The following KCNIP4 variants were observed in gnomAD, a reference collection of about 807,000 sequenced individuals.
KCNIP4 encodes the protein Kv channel-interacting protein 4.
A neutral mutation model predicts 34.0 loss-of-function variants in KCNIP4; 12 were observed. The observed-to-expected ratio is 0.35, with a 90% confidence interval of 0.23 to 0.57. The LOEUF (loss-of-function observed/expected upper bound fraction) is 0.57, where lower values mean the gene tolerates loss of function less well. Among genes scored for constraint, KCNIP4 ranks in the 20% least tolerant of loss-of-function variants. The pLI is 0.83. For synonymous variants in KCNIP4, 124 were observed against 102.2 expected (o/e 1.21, Z -1.29); for missense variants, 238 against 311.7 (o/e 0.76, Z 1.78).
intron 1 of KCNIP4, among the ~76,000 whole-genome samples, chr4:21,104,354 A>G (rs1165507936): frequency 6.6e-6 from 1 of 152,078 alleles, no homozygotes; most frequent in Admixed American, 6.6e-5. Flanking sequence ...GTGATGATGA[A>G]CATTTTTTCA....
At chr4:21,131,049 C>G (rs960004370) in intron 1 of KCNIP4, among the ~76,000 whole-genome samples, 3 of 152,050 alleles carry the variant, frequency 2.0e-5, no homozygotes, top group African/African-American at 4.8e-5. Flanking sequence ...TAAATTGAAC[C>G]ATTTTAGGTC....
At chr4:21,400,524 T>TCTTCTCTTCTCTTCC (rs1270639038) in intron 1 of KCNIP4, among the ~76,000 whole-genome samples, 7 of 37,708 alleles carry the variant, frequency 1.9e-4, no homozygotes, top group African/African-American at 7.9e-4. Context: ...TCTTCTCTTC[T>TCTTCTCTTCTCTTCC]CTTCTCTTCT....
intron 1 of KCNIP4, among the ~76,000 whole-genome samples, chr4:21,118,051 T>C (rs1749836385): frequency 1.3e-5 from 2 of 152,174 alleles, no homozygotes; most frequent in African/African-American, 2.4e-5. Context: ...AGGATAGGCA[T>C]GTGGAACAAG....
intron 1 of KCNIP4, among the ~76,000 whole-genome samples, chr4:21,238,501 C>T (rs1759547016): frequency 6.6e-6 from 1 of 152,194 alleles, no homozygotes; most frequent in Non-Finnish European, 1.5e-5. Context: ...AGCTCAAAAT[C>T]TCCTTAAGCT....
At chr4:20,901,237 A>T (rs1269781150) in intron 1 of KCNIP4, among the ~76,000 whole-genome samples, 1 of 152,222 alleles carries the variant, frequency 6.6e-6, no homozygotes, top group African/African-American at 2.4e-5. Context: ...GAAAATGTTA[A>T]AGCTCAATCG....
In KCNIP4 at chr4:21,235,831, C is replaced by G. The variant is rs114465206; in HGVS notation, c.62-353122G>C. On this transcript the variant is annotated intron_variant, in intron 1 of 8. Transcript: ENST00000382152. ...GAAAGTGCTTACATGTGAGGCATAT[C>G]CATTATCCTGGGGCCTCAGAGAGGA... is the stretch of plus-strand genomic sequence containing the variant. Among the ~76,000 whole-genome samples the G allele has an allele frequency of 3.4e-3, 513 of 152,216 alleles. 1 individual carries two copies. Among genetic ancestry groups the G allele is most frequent in the Middle Eastern group, 0.014 (4 of 294 alleles).
rs548286033 is a variant in KCNIP4 at position 21,795,805 on chromosome 4, C to T, written c.61+152766G>A. Among the ~76,000 whole-genome samples, 178 of 152,258 alleles carry T rather than the reference C, an allele frequency of 1.2e-3. 2 individuals carry two copies. Among genetic ancestry groups the T allele is most frequent in the Non-Finnish European group, 2.1e-3 (144 of 68,020 alleles). ...TAAATTTCCCGGGTGTGGTGGCTCA[C>T]GCCTGTAATCCCAGCACTTTGGGAG... is the stretch of plus-strand genomic sequence containing the variant. On this transcript the variant is annotated intron_variant, in intron 1 of 8. Transcript: ENST00000382152.
At chr4:21,883,555 A>T (rs1452139954) in intron 1 of KCNIP4, among the ~76,000 whole-genome samples, 1 of 152,158 alleles carries the variant, frequency 6.6e-6, no homozygotes, top group Non-Finnish European at 1.5e-5. Context: ...GTGATGAACC[A>T]TTGCTCCTGT....
rs561240621 is a variant in KCNIP4 at position 21,174,057 on chromosome 4, C to G, written c.62-291348G>C. The stretch of plus-strand genomic sequence containing the variant: ...TTTTAAGTGCTCACGTGATCTGTCC[C>G]AGAAAATGTCAAATTGTTCCCTTAT... On this transcript the variant is annotated intron_variant, in intron 1 of 8. Transcript: ENST00000382152. Among the ~76,000 whole-genome samples the G allele has an allele frequency of 2.3e-4, 35 of 152,258 alleles. No homozygotes were observed. The South Asian group carries it at 7.1e-3, about 31-fold the overall frequency.
intron 1 of KCNIP4, among the ~76,000 whole-genome samples, chr4:20,887,454 C>G (rs1725434174): frequency 6.6e-6 from 1 of 150,780 alleles, no homozygotes; most frequent in Non-Finnish European, 1.5e-5. Flanking sequence ...TAGCTGTAGG[C>G]AAAATGCTGA....
intron 1 of KCNIP4, among the ~76,000 whole-genome samples, chr4:21,324,652 C>T (rs974952766): frequency 4.6e-5 from 7 of 151,150 alleles, no homozygotes; most frequent in Admixed American, 4.6e-4. Flanking sequence ...ATTACTATAG[C>T]TCTGAAACAT....
At chr4:21,308,534 G>T (rs1712745797) in intron 1 of KCNIP4, among the ~76,000 whole-genome samples, 1 of 152,126 alleles carries the variant, frequency 6.6e-6, no homozygotes, top group Non-Finnish European at 1.5e-5. Flanking sequence ...GCTTGCTGAT[G>T]GTCATAACAT....
At chr4:21,932,998 A>G (rs1481450160) in intron 1 of KCNIP4, among the ~76,000 whole-genome samples, 1 of 151,442 alleles carries the variant, frequency 6.6e-6, no homozygotes, top group African/African-American at 2.4e-5. Context: ...GTTCTACGTA[A>G]CAGACCACAG....
chr4:20,844,759 A>T (rs891598133), intron 3 of KCNIP4, among the ~76,000 whole-genome samples: 2 of 152,040 alleles, frequency 1.3e-5, no homozygotes, highest in Non-Finnish European at 2.9e-5. Flanking sequence ...TTTACCTTCC[A>T]TCTGTTTCAT....
intron 1 of KCNIP4, among the ~76,000 whole-genome samples, chr4:21,802,603 T>A (rs1205389023): frequency 6.6e-6 from 1 of 152,212 alleles, no homozygotes; most frequent in East Asian, 1.9e-4. Flanking sequence ...TGGACTGGCA[T>A]TCTCTACATT....
chr4:21,553,149 GT>G (rs35807339), intron 1 of KCNIP4, among the ~76,000 whole-genome samples: 79,912 of 151,268 alleles, frequency 0.53, 21,543 homozygotes, highest in East Asian at 0.84. Flanking sequence ...AAAGGGGGGG[GT>G]CATAAAAGAG....
chr4:21,829,283 T>C (rs1291897468), intron 1 of KCNIP4, among the ~76,000 whole-genome samples: 1 of 152,018 alleles, frequency 6.6e-6, no homozygotes, highest in Non-Finnish European at 1.5e-5. Context: ...TGTCAAACCA[T>C]TGTATGTCAG....
intron 1 of KCNIP4, among the ~76,000 whole-genome samples, chr4:21,108,969 A>C (rs1317684872): frequency 6.6e-6 from 1 of 152,152 alleles, no homozygotes; most frequent in Non-Finnish European, 1.5e-5. Context: ...GTTTTGTCTC[A>C]GAGGAGTACC....
chr4:21,230,846 T>C (rs568560256), intron 1 of KCNIP4, among the ~76,000 whole-genome samples: 2 of 152,306 alleles, frequency 1.3e-5, no homozygotes, highest in African/African-American at 2.4e-5. Context: ...ATCTTTATAA[T>C]AGAATGATTT....
Sources: gnomAD v4.1 joint callset for allele counts (sites outside exome capture counted in the v4.1 genomes callset) on GRCh38, gnomAD v4.1.1 for gene constraint, MANE v1.5 for transcripts, NCBI Gene and HGNC (gene_info 2026-07-23, HGNC 2026-07-21) for gene names.